KANK1: variants seen among roughly 807,000 people sequenced by gnomAD.
KANK1 encodes KN motif and ankyrin repeat domains 1, also known as KN motif and ankyrin repeat domain-containing protein 1.
KANK1 carries 109 observed loss-of-function variants against 106.2 expected under a neutral mutation model. The ratio of observed to expected loss-of-function variants is 1.03; its 90% CI spans 0.88 to 1.20. The LOEUF is 1.20. Among genes scored for constraint, KANK1 ranks in the 50% most tolerant of loss-of-function variants. The pLI, the probability that KANK1 is intolerant of heterozygous loss-of-function variation, is 0.00. For synonymous variants in KANK1, 873 were observed against 652.2 expected (o/e 1.34, Z -5.16); for missense variants, 2,399 against 1,710.7 (o/e 1.40, Z -7.10).
At chr9:582,721 C>T (rs752129620) in intron 1 of KANK1, among the ~76,000 whole-genome samples, 6 of 152,186 alleles carry the variant, frequency 3.9e-5, no homozygotes, top group Non-Finnish European at 8.8e-5. Flanking sequence ...AATATGCTGT[C>T]TTGAGTAACC....
intron 1 of KANK1, among the ~76,000 whole-genome samples, chr9:641,581 C>G (rs958332420): frequency 6.6e-6 from 1 of 152,158 alleles, no homozygotes; most frequent in Non-Finnish European, 1.5e-5. Context: ...TGAAGAAACT[C>G]GGAACAGAGG....
At chr9:602,299 T>G (rs1827950884) in intron 1 of KANK1, among the ~76,000 whole-genome samples, 1 of 151,828 alleles carries the variant, frequency 6.6e-6, no homozygotes, top group Admixed American at 6.6e-5. Context: ...CTCGCTCTGT[T>G]GCCAGGCTGG....
rs1466454669 is a variant in KANK1, at chr9:560,020, T to C, written c.-84+55266T>C. ...TTTCCATCTGACTCCATGTTTTCTA[T>C]TGTAGACCCTAGTTCAGTGCCTTTT... On this transcript the variant is annotated intron_variant, in intron 1 of 11. Coordinates refer to ENST00000382297, the MANE Select transcript of KANK1 (RefSeq NM_015158.5). 2.6e-5 allele frequency among the ~76,000 whole-genome samples: 4 copies of C among 152,212 alleles called. No individual in the cohort carries two copies. The East Asian group carries it at 7.7e-4, about 29-fold the overall frequency.
chr9:743,408 C>T (rs984211230), intron 10 of KANK1, among the ~76,000 whole-genome samples: 1 of 152,216 alleles, frequency 6.6e-6, no homozygotes. Context: ...GGGAGAGCTT[C>T]TGACCGACTT....
intron 1 of KANK1, among the ~76,000 whole-genome samples, chr9:519,291 A>C (rs2059442585): frequency 6.6e-6 from 1 of 151,780 alleles, no homozygotes; most frequent in Admixed American, 6.6e-5. Flanking sequence ...TTAACTTAGT[A>C]AGTGTTCTGA....
intron 3 of KANK1, among the ~76,000 whole-genome samples, chr9:722,992 A>G (rs1589197315): frequency 6.6e-6 from 1 of 152,352 alleles, no homozygotes; most frequent in Admixed American, 6.5e-5. Context: ...GAATGGTATC[A>G]TAGAAAAAAG....
chr9:690,179 C>T (rs913026316), intron 2 of KANK1, among the ~76,000 whole-genome samples: 3 of 147,528 alleles, frequency 2.0e-5, no homozygotes, highest in Admixed American at 6.8e-5. Flanking sequence ...GTTGGCAGGC[C>T]CCTGTAATCC....
chr9:621,443 A>T (rs1833123628), intron 1 of KANK1, among the ~76,000 whole-genome samples: 2 of 152,178 alleles, frequency 1.3e-5, no homozygotes, highest in African/African-American at 4.8e-5. Context: ...ACCAAAAAAA[A>T]GTGAGTTCAC....
intron 1 of KANK1, among the ~76,000 whole-genome samples, chr9:646,862 T>A (rs1371406015): frequency 6.7e-6 from 1 of 149,854 alleles, no homozygotes; most frequent in Non-Finnish European, 1.5e-5. Context: ...CCTGGCTAAT[T>A]TTTTTTTGTA....
intron 1 of KANK1, among the ~76,000 whole-genome samples, chr9:614,055 G>C (rs982814911): frequency 6.6e-6 from 1 of 152,176 alleles, no homozygotes; most frequent in Admixed American, 6.5e-5. Flanking sequence ...TTTTCACAAG[G>C]AGCAAGTCGG....
intron 2 of KANK1, among the ~76,000 whole-genome samples, chr9:701,317 TGG>T (rs1353650005): frequency 6.6e-6 from 1 of 152,192 alleles, no homozygotes; most frequent in East Asian, 1.9e-4. Context: ...TTCTCCATGT[TGG>T]TCTCGAACTC....
At chr9:578,362 C>T (rs993210746) in intron 1 of KANK1, among the ~76,000 whole-genome samples, 1 of 151,440 alleles carries the variant, frequency 6.6e-6, no homozygotes, top group African/African-American at 2.4e-5. Context: ...TTTGCCTTTG[C>T]TAAGCCATGG....
chr9:676,181 A>T (rs1816382614), intron 1 of KANK1, among the ~76,000 whole-genome samples: 1 of 152,126 alleles, frequency 6.6e-6, no homozygotes, highest in Non-Finnish European at 1.5e-5. Flanking sequence ...TCATCCTGTG[A>T]CTAAGAATGC....
chr9:701,068 C>T (rs764518642), intron 2 of KANK1, among the ~76,000 whole-genome samples: 1 of 152,062 alleles, frequency 6.6e-6, no homozygotes, highest in Admixed American at 6.6e-5. Flanking sequence ...ATCACTTGAG[C>T]ACTTGAGCGT....
chr9:595,756 A>C (rs2641996), intron 1 of KANK1, among the ~76,000 whole-genome samples: 119,658 of 151,616 alleles, frequency 0.79, 47,573 homozygotes, highest in Non-Finnish European at 0.8. Flanking sequence ...TCCTGGACTC[A>C]GGTGATCCTC....
intron 10 of KANK1, among the ~76,000 whole-genome samples, chr9:743,219 CAA>C (rs1216075791): frequency 1.3e-5 from 2 of 152,096 alleles, no homozygotes; most frequent in South Asian, 4.1e-4. Flanking sequence ...CTCAAAACAC[CAA>C]AAAGTTAGGA....
At chr9:698,349 C>G (rs1438427398) in intron 2 of KANK1, among the ~76,000 whole-genome samples, 1 of 152,184 alleles carries the variant, frequency 6.6e-6, no homozygotes, top group East Asian at 1.9e-4. Flanking sequence ...AATGTTGTCT[C>G]CTGTTTCTTC....
chr9:689,224 A>G (rs960061602), intron 2 of KANK1, among the ~76,000 whole-genome samples: 1 of 152,220 alleles, frequency 6.6e-6, no homozygotes, highest in Non-Finnish European at 1.5e-5. Context: ...CCTAAGGTGT[A>G]GAAAGCCCAT....
At chr9:634,853 G>C (rs1268472718) in intron 1 of KANK1, among the ~76,000 whole-genome samples, 2 of 152,140 alleles carry the variant, frequency 1.3e-5, no homozygotes, top group African/African-American at 4.8e-5. Flanking sequence ...TAGGGGCCCA[G>C]GTTCTTATTG....
Sources: gnomAD v4.1 joint callset for allele counts (sites outside exome capture counted in the v4.1 genomes callset) on GRCh38, gnomAD v4.1.1 for gene constraint, MANE v1.5 for transcripts, NCBI Gene and HGNC (gene_info 2026-07-23, HGNC 2026-07-21) for gene names.